Variants in MORC2 observed in about 807,000 individuals in gnomAD.
MORC2 encodes the protein ATPase MORC2.
In MORC2, 30 loss-of-function variants were observed where a neutral mutation model predicts 136.0. That is an observed-to-expected ratio of 0.22 (90% CI 0.17 to 0.30). MORC2 has a LOEUF of 0.30. MORC2 is among the 10% of genes least tolerant of loss of function. The probability of loss-of-function intolerance (pLI) is 1.00; values close to 1 mark genes in which losing one functional copy is unlikely to be tolerated. For synonymous variants in MORC2, 439 were observed against 487.0 expected, an observed-to-expected ratio of 0.90 and a Z score of 1.30; for missense variants, 922 against 1,333.1, an observed-to-expected ratio of 0.69 and a Z score of 4.80.
In MORC2 at chr22:30,967,219, G is replaced by C. The variant is rs959265697; in HGVS notation, c.68+603C>G. 8.1e-6 allele frequency: 8 copies of C among 985,846 alleles called. No homozygotes were observed. The African/African-American group carries it at 1.4e-4, about 17-fold the overall frequency. The allele number at this position is 985,846 out of a possible 1,614,324, so 61.1% of individuals were successfully genotyped here. A position where few individuals can be genotyped will look rare whatever the true frequency, so the allele number is the denominator to read the frequency against. The stretch of plus-strand genomic sequence containing the variant: ...ACTCCTTCATGAACTCAAGAACCAT[G>C]AACACTGTATGTTTCTGTGGAAATT... On this transcript the variant is annotated intron_variant, in intron 1 of 25. Transcript: ENST00000397641.
chr22:30,956,180 A>G (rs1382816238), intron 3 of MORC2, among the ~76,000 whole-genome samples: 1 of 152,220 alleles, frequency 6.6e-6, no homozygotes, highest in Non-Finnish European at 1.5e-5. Context: ...GAAAAGGAGA[A>G]GATCTTACTA....
chr22:30,942,047 C>G (rs767489568), intron 7 of MORC2, 45 bp from the exon 8 acceptor site: 1 of 1,610,022 alleles, frequency 6.2e-7, no homozygotes, highest in Non-Finnish European at 8.5e-7. Flanking sequence ...CCCGGCCCAC[C>G]CCCACACTAC....
Position 30,941,481 on chromosome 22 carries a change from C to T in MORC2, c.776G>A (p.Gly259Glu), listed in dbSNP as rs368260550. ...GAGCCTCTTGGTCTGCACCTTGTGC[C>T]CATGGATGAAGATCCTCATCCGGGG... The part of the protein sequence containing the change: ...IDPRMRIFIH[G>E]HKVQTKRLSC... The change falls in exon 9 of 26, where the codon GGG (glycine) becomes GAG (glutamate). Residue 259 changes from glycine to glutamate, a missense_variant. Gly to Glu is a moderately conservative substitution (Grantham distance 98, BLOSUM62 -2). Transcript: ENST00000397641. This position sits in a 1 kb window ranked among gnomAD's most constrained non-coding sequence, Gnocchi z 4.6. 2.1e-5 allele frequency: 34 copies of T among 1,613,904 alleles called. No homozygotes were observed. The highest frequency in any genetic ancestry group is 2.8e-5 in the Non-Finnish European group (33 of 1,180,006).
intron 25 of MORC2, among the ~76,000 whole-genome samples, chr22:30,927,272 C>T (rs1011802759): frequency 2.6e-5 from 4 of 152,030 alleles, no homozygotes; most frequent in Non-Finnish European, 5.9e-5. Flanking sequence ...TCCAACCAAG[C>T]AGGTACATGT....
At chr22:30,961,221 TA>T (rs956803174) in intron 1 of MORC2, among the ~76,000 whole-genome samples, 2 of 150,834 alleles carry the variant, frequency 1.3e-5, no homozygotes, top group Middle Eastern at 3.2e-3. Context: ...AGTAAAAATT[TA>T]AAAAAAAAAT....
rs774960940 is a variant in MORC2, at chr22:30,941,906, G to A, written c.683C>T (p.Thr228Met). Residue 228 changes from threonine (T) to methionine (M), a missense_variant, in exon 8 of 26, where the codon ACG becomes ATG. By Grantham distance (81) the Thr-to-Met change is moderately conservative (BLOSUM62 -1). Coordinates refer to ENST00000397641, the MANE Select transcript of MORC2 (RefSeq NM_001303256.3). The surrounding 1 kb of genome is among the most constrained non-coding windows in gnomAD (Gnocchi z 4.6). ...CCACACTCACGTGCCCTCTGGGGAC[G>A]TCTCTGCCATCTGGATATCTCTTGG... ...SNPRDIQMAETSPEGTKPERR... is the reference protein window; with the variant it reads ...SNPRDIQMAEMSPEGTKPERR... The A allele has an allele frequency of 1.3e-5, 21 of 1,612,248 alleles. No individual in the cohort carries two copies. The highest frequency in any genetic ancestry group is 6.7e-5 in the East Asian group (3 of 44,892).
chr22:30,935,200 A>C (rs1024548520), intron 18 of MORC2, 39 bp from the exon 19 acceptor site: 3 of 1,612,378 alleles, frequency 1.9e-6, no homozygotes, highest in African/African-American at 2.7e-5. Flanking sequence ...CACTGATCCT[A>C]GCATGAGACA....
intron 21 of MORC2, among the ~76,000 whole-genome samples, 172 bp downstream of exon 21, chr22:30,933,294 G>A (rs1381541102): frequency 6.6e-6 from 1 of 152,124 alleles, no homozygotes; most frequent in Non-Finnish European, 1.5e-5. Flanking sequence ...ACCACAAAGG[G>A]GTGATCCCTT....
At position 30,934,966 on chromosome 22, in the gene MORC2, G is replaced by C; in HGVS notation, c.2008C>G (p.Pro670Ala). Residue 670 changes from proline (P) to alanine (A), a missense_variant, in exon 19 of 26, where the codon CCA (proline) becomes GCA (alanine). Pro to Ala is a conservative substitution (Grantham distance 27). Transcript: ENST00000397641. This position sits in a 1 kb window ranked among gnomAD's most constrained non-coding sequence, Gnocchi z 4.4. ...GCAGGCTTTCGGGGTGCCTCAGGTG[G>C]CTGGAGCAGCCTAGATGTGCTGGCC... ...EEASTSRLLQPPEAPRKPANT... is the reference protein window; with the variant it reads ...EEASTSRLLQAPEAPRKPANT... The C allele has an allele frequency of 6.2e-7, 1 of 1,614,088 alleles. No individual in the cohort carries two copies. The highest frequency in any genetic ancestry group is 8.5e-7 in the Non-Finnish European group (1 of 1,180,030).
Position 30,937,615 on chromosome 22 carries a change from C to G in MORC2, c.1466G>C (p.Arg489Thr). ...PSSELRYKRR[R>T]AMEIPTTIQC... is the part of the protein sequence containing the mutation. Reference sequence around the variant, plus strand: ...GATGGTGGTGGGGATTTCCATAGCTCTCCGGCGTTTGTAACGCAGCTCACT... The same window carrying G: ...GATGGTGGTGGGGATTTCCATAGCTGTCCGGCGTTTGTAACGCAGCTCACT... Residue 489 changes from arginine (R) to threonine (T), a missense_variant, in exon 15 of 26, where the codon AGA becomes ACA. Around this residue, in one of 9 missense-constraint regions of MORC2, gnomAD observed 119 missense variants for 202.7 expected, o/e 0.59. Transcript: ENST00000397641. The surrounding 1 kb of genome is among the most constrained non-coding windows in gnomAD (Gnocchi z 4.7). 2 of 1,613,366 alleles carry G rather than the reference C, an allele frequency of 1.2e-6. No individual in the cohort carries two copies.
At chr22:30,956,923 T>C (rs140981527) in intron 2 of MORC2, 126 bp from the exon 3 acceptor site, 11 of 692,644 alleles carry the variant, frequency 1.6e-5, no homozygotes, top group African/African-American at 1.3e-4. Context: ...AGAAATTCTA[T>C]AGACATTTAG....
At chr22:30,940,703 A>G (rs2040730294) in intron 10 of MORC2, 55 bp downstream of exon 10, 1 of 1,518,154 alleles carries the variant, frequency 6.6e-7, no homozygotes, top group African/African-American at 1.4e-5. Flanking sequence ...TTTGCCCACA[A>G]GCAGCATACC....
In MORC2 at chr22:30,967,491, G is replaced by A. The variant is rs2041146246; in HGVS notation, c.68+331C>T. 5.5e-6 allele frequency: 6 copies of A among 1,090,342 alleles called. No individual in the cohort carries two copies. In the African/African-American group the frequency reaches 8.3e-5, roughly 15 times the overall value. The allele number at this position is 1,090,342 out of a possible 1,614,324, so 67.5% of individuals were successfully genotyped here. A position where few individuals can be genotyped will look rare whatever the true frequency, so the allele number is the denominator to read the frequency against. On this transcript the variant is annotated intron_variant, in intron 1 of 25. Transcript: ENST00000397641. ...AGGGGAAACGGTTGATACTAAAATA[G>A]TCCAACATTTGGCGATCCAATAGAG...
intron 6 of MORC2, 50 bp downstream of exon 6, chr22:30,946,291 A>C (rs781390414): frequency 6.8e-7 from 1 of 1,476,410 alleles, no homozygotes; most frequent in Admixed American, 1.8e-5. Context: ...CCGCCTGGGC[A>C]GACTCAGGAA....
chr22:30,958,461 T>C (rs2040997295), intron 2 of MORC2, among the ~76,000 whole-genome samples, 180 bp downstream of exon 2: 1 of 152,194 alleles, frequency 6.6e-6, no homozygotes, highest in Admixed American at 6.5e-5. Flanking sequence ...AGTAAGAAAG[T>C]GGAAGTTATC....
At chr22:30,945,685 T>C (rs2040806713) in intron 6 of MORC2, among the ~76,000 whole-genome samples, 2 of 152,214 alleles carry the variant, frequency 1.3e-5, no homozygotes, top group Non-Finnish European at 2.9e-5. Flanking sequence ...TTAGCTTACA[T>C]AGTCAATTAC....
chr22:30,937,721 A>T lies in MORC2; in HGVS notation c.1370-10T>A. 1 of 1,614,150 alleles carries T rather than the reference A, an allele frequency of 6.2e-7. No individual in the cohort carries two copies. The highest frequency in any genetic ancestry group is 8.5e-7 in the Non-Finnish European group (1 of 1,180,020). On this transcript the variant is annotated splice_polypyrimidine_tract_variant and intron_variant, in intron 14 of 25. Coordinates refer to ENST00000397641, the MANE Select transcript of MORC2 (RefSeq NM_001303256.3). This position sits in a 1 kb window ranked among gnomAD's most constrained non-coding sequence, Gnocchi z 4.7. ...ATGATTCCCCTCTGGGCTGGAAAGCAAACACCGATACATCATGTTAGGAGC... is the reference window on the plus strand; with the variant it reads ...ATGATTCCCCTCTGGGCTGGAAAGCTAACACCGATACATCATGTTAGGAGC...
chr22:30,931,849 T>C (rs1378882441), intron 24 of MORC2, among the ~76,000 whole-genome samples: 1 of 152,246 alleles, frequency 6.6e-6, no homozygotes, highest in Non-Finnish European at 1.5e-5. Context: ...CTTTTGCTGC[T>C]CACTATGAGG....
chr22:30,926,926 C>T (rs967239967), intron 25 of MORC2, 55 bp from the exon 26 acceptor site: 11 of 1,444,632 alleles, frequency 7.6e-6, no homozygotes, highest in Middle Eastern at 1.7e-4. Context: ...TTGGGGGGCT[C>T]ACCTTTCCAC....
Sources: allele counts gnomAD v4.1 joint callset (sites outside exome capture counted in the v4.1 genomes callset), GRCh38; gene constraint gnomAD v4.1.1; regional missense constraint gnomAD v4.1.1; non-coding constraint Gnocchi (gnomAD v3.1); transcripts MANE v1.5; gene names NCBI Gene and HGNC (gene_info 2026-07-23, HGNC 2026-07-21).